The following TUNAR variants were observed in gnomAD, a reference collection of about 807,000 sequenced individuals.
TUNAR encodes protein TUNAR.
intron 2 of TUNAR, among the ~76,000 whole-genome samples, chr14:95,908,156 AC>A (rs1889453555): frequency 6.6e-6 from 1 of 152,120 alleles, no homozygotes; most frequent in Non-Finnish European, 1.5e-5. Flanking sequence ...TGTTCATGGC[AC>A]CTGGGCTTGG....
At chr14:95,892,187 C>G (rs1343021391) in intron 2 of TUNAR, among the ~76,000 whole-genome samples, 1 of 152,234 alleles carries the variant, frequency 6.6e-6, no homozygotes, top group Non-Finnish European at 1.5e-5. Context: ...GGACCACACT[C>G]ATACCCAGAA....
At chr14:95,880,428 C>T (rs1246864342) in intron 2 of TUNAR, among the ~76,000 whole-genome samples, 1 of 152,168 alleles carries the variant, frequency 6.6e-6, no homozygotes, top group African/African-American at 2.4e-5. Context: ...AGTCCCCTTG[C>T]ACGGTAGAGG....
At chr14:95,882,916 C>T (rs1414504096) in intron 2 of TUNAR, among the ~76,000 whole-genome samples, 7 of 152,086 alleles carry the variant, frequency 4.6e-5, no homozygotes, top group Non-Finnish European at 4.4e-5. Flanking sequence ...AGTGAATGCC[C>T]CTGAGAGCAT....
chr14:95,885,897 C>T (rs1440963895), intron 2 of TUNAR, among the ~76,000 whole-genome samples: 3 of 152,176 alleles, frequency 2.0e-5, no homozygotes, highest in Non-Finnish European at 2.9e-5. Context: ...GGCACCATTT[C>T]TCTGATTGCA....
chr14:95,894,689 C>T (rs1889232150), intron 2 of TUNAR, among the ~76,000 whole-genome samples: 1 of 152,216 alleles, frequency 6.6e-6, no homozygotes. Flanking sequence ...AAACAAAAAG[C>T]CCCTAAGGCC....
chr14:95,882,824 A>C (rs1889002485), intron 2 of TUNAR, among the ~76,000 whole-genome samples: 1 of 152,194 alleles, frequency 6.6e-6, no homozygotes, highest in African/African-American at 2.4e-5. Flanking sequence ...CCACTTCTTG[A>C]TTCTTTTAAT....
chr14:95,909,517 T>TCGTGATC (rs1413908816), intron 2 of TUNAR, among the ~76,000 whole-genome samples: 1 of 152,052 alleles, frequency 6.6e-6, no homozygotes, highest in Non-Finnish European at 1.5e-5. Context: ...TCTCCTGACC[T>TCGTGATC]CGTGATCCAC....
At chr14:95,886,609 T>G (rs1889081001) in intron 2 of TUNAR, among the ~76,000 whole-genome samples, 2 of 152,218 alleles carry the variant, frequency 1.3e-5, no homozygotes. Context: ...ATTGCCATCC[T>G]CTGGAGGGTT....
At chr14:95,911,182 C>T (rs1412714870) in intron 2 of TUNAR, among the ~76,000 whole-genome samples, 1 of 152,206 alleles carries the variant, frequency 6.6e-6, no homozygotes, top group East Asian at 1.9e-4. Context: ...GGACAGCCCC[C>T]TCACCATGCT....
chr14:95,885,991 G>A (rs1284622832), intron 2 of TUNAR, among the ~76,000 whole-genome samples: 2 of 152,152 alleles, frequency 1.3e-5, no homozygotes, highest in East Asian at 1.9e-4. Context: ...GCTGGGGCTC[G>A]GAAGGAAAGC....
intron 2 of TUNAR, among the ~76,000 whole-genome samples, chr14:95,911,188 A>G (rs771958125): frequency 6.6e-6 from 1 of 152,064 alleles, no homozygotes; most frequent in Non-Finnish European, 1.5e-5. Context: ...CCCCCTCACC[A>G]TGCTGCTGCG....
intron 2 of TUNAR, among the ~76,000 whole-genome samples, chr14:95,887,311 CTGGCCTGTTAG>C (rs1467061331): frequency 2.6e-5 from 4 of 152,226 alleles, no homozygotes; most frequent in Non-Finnish European, 4.4e-5. Context: ...GAAGTCACTC[CTGGCCTGTTAG>C]TGACTGGATG....
chr14:95,898,633 A>G (rs1472068619), intron 2 of TUNAR, among the ~76,000 whole-genome samples: 1 of 151,910 alleles, frequency 6.6e-6, no homozygotes, highest in African/African-American at 2.4e-5. Flanking sequence ...CTTTTTTTTA[A>G]CTTTTAAAAA....
At chr14:95,922,824 T>C in exon 3 of TUNAR, 1 of 399,010 alleles carries the variant, frequency 2.5e-6, no homozygotes, top group Non-Finnish European at 4.4e-6. Context: ...ACCAAGATGG[T>C]AATCACTAGT....
At chr14:95,877,545 G>T (rs1040283494) in intron 2 of TUNAR, among the ~76,000 whole-genome samples, 1 of 152,180 alleles carries the variant, frequency 6.6e-6, no homozygotes, top group Admixed American at 6.5e-5. Context: ...CTGGGAAATA[G>T]GTCCCCGTTT....
chr14:95,879,275 C>T (rs1003872186), intron 2 of TUNAR, among the ~76,000 whole-genome samples: 1 of 152,164 alleles, frequency 6.6e-6, no homozygotes, highest in Non-Finnish European at 1.5e-5. Context: ...CCCAGAAACT[C>T]GGCTCTCAGC....
chr14:95,909,935 T>C (rs1243981713), intron 2 of TUNAR, among the ~76,000 whole-genome samples: 1 of 152,088 alleles, frequency 6.6e-6, no homozygotes, highest in Non-Finnish European at 1.5e-5. Context: ...GAAGAGCATG[T>C]GAACAAATGC....
intron 2 of TUNAR, among the ~76,000 whole-genome samples, chr14:95,889,076 G>A (rs1490402766): frequency 2.6e-5 from 4 of 152,094 alleles, no homozygotes; most frequent in Non-Finnish European, 4.4e-5. Context: ...AGCTGTGTGC[G>A]AGTCCAGCTG....
At chr14:95,883,102 G>A (rs759440699) in intron 2 of TUNAR, among the ~76,000 whole-genome samples, 8 of 152,226 alleles carry the variant, frequency 5.3e-5, no homozygotes, top group Non-Finnish European at 1.0e-4. Flanking sequence ...TCTAAAGGTA[G>A]ACGTGAAAAC....
Sources: gnomAD v4.1 joint callset for allele counts (sites outside exome capture counted in the v4.1 genomes callset) on GRCh38, gnomAD v4.1.1 for gene constraint, MANE v1.5 for transcripts, NCBI Gene and HGNC (gene_info 2026-07-23, HGNC 2026-07-21) for gene names.